PLPPR2: variants seen among roughly 807,000 people sequenced by gnomAD.
PLPPR2 encodes the protein phospholipid phosphatase-related protein type 2.
A neutral mutation model predicts 40.3 loss-of-function variants in PLPPR2; 11 were observed. The ratio of observed to expected loss-of-function variants is 0.27; its 90% CI spans 0.17 to 0.45. The LOEUF is 0.45. PLPPR2 is among the 20% of genes least tolerant of loss of function. The probability of loss-of-function intolerance (pLI) is 1.00; values close to 1 mark genes in which losing one functional copy is unlikely to be tolerated. For synonymous variants in PLPPR2, 260 were observed against 290.8 expected (o/e 0.89, Z 1.08); for missense variants, 497 against 640.7 (o/e 0.78, Z 2.42).
Position 11,364,103 on chromosome 19 carries a change from C to A in PLPPR2, c.964-58C>A. On this transcript the variant is annotated intron_variant, in intron 8 of 9. Transcript: ENST00000688289. This position sits in a 1 kb window ranked among gnomAD's most constrained non-coding sequence, Gnocchi z 5.8. ...TCTTCACCTGATGAGCTCCTTGTGG[C>A]TGTGGCCGGTAGGGCCCAGGGGGCC... 6.4e-7 allele frequency: 1 copy of A among 1,555,734 alleles called. No individual in the cohort carries two copies. The highest frequency in any genetic ancestry group is 1.9e-5 in the Admixed American group (1 of 52,098).
Position 11,363,206 on chromosome 19 carries a change from G to A in PLPPR2, c.841-507G>A, listed in dbSNP as rs1233146557. ...TGAGGCAGAAGAATCGCTTGAACCC[G>A]GGGGACGGAGGTTGCAGTGAACTGA... On this transcript the variant is annotated intron_variant, in intron 7 of 9. Coordinates refer to ENST00000688289, the MANE Select transcript of PLPPR2 (RefSeq NM_001393892.1). The surrounding 1 kb of genome is among the most constrained non-coding windows in gnomAD (Gnocchi z 4.8). Among the ~76,000 whole-genome samples the A allele has an allele frequency of 4.6e-5, 7 of 151,884 alleles. No individual in the cohort carries two copies. Among genetic ancestry groups the A allele is most frequent in the Admixed American group, 3.3e-4 (5 of 15,248 alleles).
In PLPPR2 at chr19:11,362,402, A is replaced by C. The variant is rs1599406308; in HGVS notation, c.664-111A>C. On this transcript the variant is annotated intron_variant, in intron 6 of 9. Transcript: ENST00000688289. The surrounding 1 kb of genome is among the most constrained non-coding windows in gnomAD (Gnocchi z 5.3). ...GACTCCAACCCTGGAGCCCCTGGCCACTCCCTCCAGCCCCAACGCTCTGGC... is the reference window on the plus strand; with the variant it reads ...GACTCCAACCCTGGAGCCCCTGGCCCCTCCCTCCAGCCCCAACGCTCTGGC... 2.4e-6 allele frequency: 3 copies of C among 1,225,152 alleles called. No homozygotes were observed. The highest frequency in any genetic ancestry group is 3.4e-6 in the Non-Finnish European group (3 of 895,238). 75.9% of individuals were successfully genotyped at this position (1,225,152 alleles called of 1,614,324 possible).
In PLPPR2 at chr19:11,361,413, C is replaced by A. The variant is rs1308213826; in HGVS notation, c.588C>A (p.Ser196Arg). 6.2e-7 allele frequency: 1 copy of A among 1,608,304 alleles called. No individual in the cohort carries two copies. The highest frequency in any genetic ancestry group is 8.5e-7 in the Non-Finnish European group (1 of 1,179,582). ...AGGGTGCCTGCGCTGGCAGTCCCAG[C>A]CTCGTGGCCGCCGCGCGCCGCGCCT... ...TDQGACAGSP[S>R]LVAAARRAFP... The change falls in exon 6 of 10, where the codon AGC becomes AGA. Residue 196 changes from serine to arginine, a missense_variant. Transcript: ENST00000688289. The surrounding 1 kb of genome is among the most constrained non-coding windows in gnomAD (Gnocchi z 6.3).
In PLPPR2 at chr19:11,359,396, G is replaced by GTC. The variant is rs1967981634; in HGVS notation, c.67-129_67-128dup. ...CTCAGTCTCTCTCCCCCTTGTCTCT[G>GTC]TCTCTCTCCATCTTCTAGTTTCTGT... On this transcript the variant is annotated intron_variant, in intron 3 of 9. Coordinates refer to ENST00000688289, the MANE Select transcript of PLPPR2 (RefSeq NM_001393892.1). This position sits in a 1 kb window ranked among gnomAD's most constrained non-coding sequence, Gnocchi z 5.6. The GTC allele has an allele frequency of 8.1e-6, 6 of 744,174 alleles. No individual in the cohort carries two copies. Among genetic ancestry groups the GTC allele is most frequent in the Non-Finnish European group, 2.0e-6 (1 of 500,330 alleles). The allele number at this position is 744,174 out of a possible 1,614,324, so 46.1% of individuals were successfully genotyped here.
Position 11,364,002 on chromosome 19 carries a change from G to A in PLPPR2, c.964-159G>A. The stretch of plus-strand genomic sequence containing the variant: ...TCCTGGGCGGACAGCCCCAAAGAAT[G>A]AAAGGGAGCACCCCCGTCTTCTTCC... On this transcript the variant is annotated intron_variant, in intron 8 of 9. Coordinates refer to ENST00000688289, the MANE Select transcript of PLPPR2 (RefSeq NM_001393892.1). This position sits in a 1 kb window ranked among gnomAD's most constrained non-coding sequence, Gnocchi z 5.8. 7.5e-7 allele frequency: 1 copy of A among 1,330,070 alleles called. No individual in the cohort carries two copies. Among genetic ancestry groups the A allele is most frequent in the Non-Finnish European group, 1.0e-6 (1 of 973,864 alleles). 82.4% of individuals were successfully genotyped at this position (1,330,070 alleles called of 1,614,324 possible).
rs1199229340 is a variant in PLPPR2, at chr19:11,363,709, C to CTATGCACAA, written c.841-4_841-3insTATGCACAA. ...CTCAACACTCTCCTCTCCCTCTATT[C>CTATGCACAA]CAGGTCACCTGCGTTGTGCATAACT... On this transcript the variant is annotated splice_region_variant and splice_polypyrimidine_tract_variant and intron_variant, in intron 7 of 9. Coordinates refer to ENST00000688289, the MANE Select transcript of PLPPR2 (RefSeq NM_001393892.1). This position sits in a 1 kb window ranked among gnomAD's most constrained non-coding sequence, Gnocchi z 4.8. 2 of 1,611,804 alleles carry CTATGCACAA rather than the reference C, an allele frequency of 1.2e-6. No individual in the cohort carries two copies. The highest frequency in any genetic ancestry group is 1.7e-6 in the Non-Finnish European group (2 of 1,178,250).
chr19:11,364,041 T>G lies in PLPPR2; in HGVS notation c.964-120T>G. 1 of 1,409,162 alleles carries G rather than the reference T, an allele frequency of 7.1e-7. No individual in the cohort carries two copies. Among genetic ancestry groups the G allele is most frequent in the Non-Finnish European group, 9.7e-7 (1 of 1,034,054 alleles). 87.3% of individuals were successfully genotyped at this position (1,409,162 alleles called of 1,614,324 possible). ...CCGTCTTCTTCCCAGGGGGACACGG[T>G]TAATCATGAGAACTGTGGTTGTCTT... On this transcript the variant is annotated intron_variant, in intron 8 of 9. Coordinates refer to ENST00000688289, the MANE Select transcript of PLPPR2 (RefSeq NM_001393892.1). The surrounding 1 kb of genome is among the most constrained non-coding windows in gnomAD (Gnocchi z 5.8).
rs1968072089 is a variant in PLPPR2, at chr19:11,362,375, A to G, written c.664-138A>G. 1 of 837,636 alleles carries G rather than the reference A, an allele frequency of 1.2e-6. No individual in the cohort carries two copies. Among genetic ancestry groups the G allele is most frequent in the South Asian group, 1.7e-5 (1 of 59,334 alleles). The allele number at this position is 837,636 out of a possible 1,614,324, so 51.9% of individuals were successfully genotyped here. A position where few individuals can be genotyped will look rare whatever the true frequency, so the allele number is the denominator to read the frequency against. On this transcript the variant is annotated intron_variant, in intron 6 of 9. Transcript: ENST00000688289. This position sits in a 1 kb window ranked among gnomAD's most constrained non-coding sequence, Gnocchi z 5.3. Reference sequence around the variant, plus strand: ...CCCTGGAAAAGCCCACTGGGAGCCCATGACTCCAACCCTGGAGCCCCTGGC... The same window carrying G: ...CCCTGGAAAAGCCCACTGGGAGCCCGTGACTCCAACCCTGGAGCCCCTGGC...
At chr19:11,358,344 C>T (rs1452738111) in intron 3 of PLPPR2, among the ~76,000 whole-genome samples, 1 of 152,124 alleles carries the variant, frequency 6.6e-6, no homozygotes, top group Non-Finnish European at 1.5e-5. Flanking sequence ...GCGTGAGCCA[C>T]CACGCCCGGC....
intron 1 of PLPPR2, among the ~76,000 whole-genome samples, chr19:11,356,121 G>A (rs967903090): frequency 6.6e-6 from 1 of 151,916 alleles, no homozygotes; most frequent in Non-Finnish European, 1.5e-5. Flanking sequence ...GTCGTGCGCT[G>A]TGCACCTTTC....
chr19:11,360,711 A>T (rs1055120696), intron 5 of PLPPR2, among the ~76,000 whole-genome samples: 14 of 152,062 alleles, frequency 9.2e-5, no homozygotes, highest in Non-Finnish European at 1.8e-4. Context: ...TCCCAGCCTC[A>T]AGTAGTGGCT....
At chr19:11,357,462 A>G (rs1393456079) in intron 2 of PLPPR2, among the ~76,000 whole-genome samples, 198 bp from the exon 3 acceptor site, 1 of 151,870 alleles carries the variant, frequency 6.6e-6, no homozygotes, top group East Asian at 1.9e-4. Flanking sequence ...TGTCCCCAGT[A>G]GGGTCAGGAC....
chr19:11,361,757 C>G lies in PLPPR2; in HGVS notation c.663+269C>G, dbSNP rs1330193359. On this transcript the variant is annotated intron_variant, in intron 6 of 9. Coordinates refer to ENST00000688289, the MANE Select transcript of PLPPR2 (RefSeq NM_001393892.1). This position sits in a 1 kb window ranked among gnomAD's most constrained non-coding sequence, Gnocchi z 6.3. The stretch of plus-strand genomic sequence containing the variant: ...CCAGTAATGCGAGGGAAACTGTTGG[C>G]TCTACCCTATGGCATCAGGACAGTC... Among the ~76,000 whole-genome samples, 2 of 152,116 alleles carry G rather than the reference C, an allele frequency of 1.3e-5. No individual in the cohort carries two copies. The highest frequency in any genetic ancestry group is 2.4e-5 in the African/African-American group (1 of 41,432).
Position 11,363,742 on chromosome 19 carries a change from C to G in PLPPR2, c.870C>G (p.Ser290Arg), listed in dbSNP as rs780782200. Residue 290 changes from serine to arginine, a missense_variant, in exon 8 of 10, where the codon AGC becomes AGG. Coordinates refer to ENST00000688289, the MANE Select transcript of PLPPR2 (RefSeq NM_001393892.1). The surrounding 1 kb of genome is among the most constrained non-coding windows in gnomAD (Gnocchi z 4.8). ...CCTGCGTTGTGCATAACTTTCAGAG[C>G]CGGCCACCCTCTGGCCGAAGGCTCT... is the stretch of plus-strand genomic sequence containing the variant. ...LVTCVVHNFQSRPPSGRRLSP... is the reference protein window; with the variant it reads ...LVTCVVHNFQRRPPSGRRLSP... The G allele has an allele frequency of 6.8e-6, 11 of 1,614,108 alleles. No homozygotes were observed. The highest frequency in any genetic ancestry group is 7.6e-6 in the Non-Finnish European group (9 of 1,179,970).
Position 11,362,613 on chromosome 19 carries a change from G to A in PLPPR2, c.764G>A (p.Arg255His), listed in dbSNP as rs759194929. The A allele has an allele frequency of 1.2e-6, 2 of 1,613,660 alleles. No homozygotes were observed. The highest frequency in any genetic ancestry group is 1.7e-6 in the Non-Finnish European group (2 of 1,180,002). ...CCGGCCTTCCTGGTGGGCGTGGTCC[G>A]CGTGGCCGAGTACCGAAACCACTGG... ...LCPAFLVGVV[R>H]VAEYRNHWSD... is the part of the protein sequence containing the mutation. The change falls in exon 7 of 10, where the codon CGC becomes CAC. Residue 255 changes from arginine (R) to histidine (H), a missense_variant. Physicochemically the swap from Arg to His is conservative, Grantham distance 29. Transcript: ENST00000688289. This position sits in a 1 kb window ranked among gnomAD's most constrained non-coding sequence, Gnocchi z 5.3.
At chr19:11,356,226 T>C (rs1458398779) in intron 1 of PLPPR2, among the ~76,000 whole-genome samples, 4 of 152,118 alleles carry the variant, frequency 2.6e-5, no homozygotes, top group Non-Finnish European at 5.9e-5. Context: ...TTGGTGTGAA[T>C]AAGAGACTGT....
In PLPPR2 at chr19:11,363,906, A is replaced by C; in HGVS notation, c.963+71A>C. 1 of 1,530,568 alleles carries C rather than the reference A, an allele frequency of 6.5e-7. No individual in the cohort carries two copies. The highest frequency in any genetic ancestry group is 8.8e-7 in the Non-Finnish European group (1 of 1,132,192). The allele number at this position is 1,530,568 out of a possible 1,614,324, so 94.8% of individuals were successfully genotyped here. A position where few individuals can be genotyped will look rare whatever the true frequency, so the allele number is the denominator to read the frequency against. ...GGAGGGGGCCAAGGAGACAGGAAGGAAGTCAGGCAAGAGGTGGGGGTCTCA... is the reference window on the plus strand; with the variant it reads ...GGAGGGGGCCAAGGAGACAGGAAGGCAGTCAGGCAAGAGGTGGGGGTCTCA... On this transcript the variant is annotated intron_variant, in intron 8 of 9. Coordinates refer to ENST00000688289, the MANE Select transcript of PLPPR2 (RefSeq NM_001393892.1). The surrounding 1 kb of genome is among the most constrained non-coding windows in gnomAD (Gnocchi z 4.8).
Position 11,359,670 on chromosome 19 carries a change from GT to G in PLPPR2, c.206del (p.Val69GlyfsTer82). 1 of 1,611,534 alleles carries G rather than the reference GT, an allele frequency of 6.2e-7. No homozygotes were observed. The highest frequency in any genetic ancestry group is 1.1e-5 in the South Asian group (1 of 90,624). On this transcript the variant is annotated frameshift_variant, in exon 4 of 10. Transcript: ENST00000688289. LOFTEE classifies it high-confidence loss of function. The surrounding 1 kb of genome is among the most constrained non-coding windows in gnomAD (Gnocchi z 5.6). Reference protein sequence around the residue: ...PYPGPEAASRVPPALVYALVT... With the variant: ...PYPGPEAASRXPPALVYALVT... ...CCCAGGGCCTGAGGCTGCCAGCCGA[GT>G]GCCTCCTGCTCTTGTCTACGCACTG...
Position 11,363,810 on chromosome 19 carries a change from C to A in PLPPR2, c.938C>A (p.Pro313His). The change falls in exon 8 of 10, where the codon CCC (proline) becomes CAC (histidine). Residue 313 changes from proline (P) to histidine (H), a missense_variant. Physicochemically the swap from Pro to His is moderately conservative, Grantham distance 77. Coordinates refer to ENST00000688289, the MANE Select transcript of PLPPR2 (RefSeq NM_001393892.1). The surrounding 1 kb of genome is among the most constrained non-coding windows in gnomAD (Gnocchi z 4.8). ...GGCCAAGCCCCCACCATGGATAGCCCCCTCGAAAAGTTAAGTGTGGCGCAG... is the reference window on the plus strand; with the variant it reads ...GGCCAAGCCCCCACCATGGATAGCCACCTCGAAAAGTTAAGTGTGGCGCAG... The part of the protein sequence containing the change: ...DLGQAPTMDS[P>H]LEKLSVAQEP... 6.2e-7 allele frequency: 1 copy of A among 1,614,122 alleles called. No individual in the cohort carries two copies. The highest frequency in any genetic ancestry group is 8.5e-7 in the Non-Finnish European group (1 of 1,180,002).
Sources: allele counts gnomAD v4.1 joint callset (sites outside exome capture counted in the v4.1 genomes callset), GRCh38; gene constraint gnomAD v4.1.1; non-coding constraint Gnocchi (gnomAD v3.1); transcripts MANE v1.5; gene names NCBI Gene and HGNC (gene_info 2026-07-23, HGNC 2026-07-21).